Variants in ADAM32 observed in about 807,000 individuals in gnomAD.
The protein encoded by ADAM32 is ADAM metallopeptidase domain 32.
In ADAM32, 89 loss-of-function variants were observed where a neutral mutation model predicts 114.9. That is an observed-to-expected ratio of 0.77 (90% CI 0.65 to 0.92). The LOEUF is 0.92. ADAM32 is among the 40% of genes least tolerant of loss of function. The pLI, the probability that ADAM32 is intolerant of heterozygous loss-of-function variation, is 0.00. For synonymous variants in ADAM32, 285 were observed against 307.5 expected (o/e 0.93, Z 0.77); for missense variants, 870 against 932.8 (o/e 0.93, Z 0.88).
chr8:39,228,662 C>A (rs978044287), intron 14 of ADAM32, among the ~76,000 whole-genome samples: 7 of 152,108 alleles, frequency 4.6e-5, no homozygotes, highest in African/African-American at 1.7e-4. Context: ...ATGAACAAAG[C>A]CTCCAAGAAG....
intron 11 of ADAM32, among the ~76,000 whole-genome samples, chr8:39,199,486 ACT>A (rs1194291548): frequency 8.6e-5 from 13 of 151,330 alleles, no homozygotes; most frequent in Admixed American, 7.9e-4. Context: ...TACTATGGAA[ACT>A]CTCATTTGTA....
chr8:39,114,319 A>T lies in ADAM32; in HGVS notation c.59-3767A>T, dbSNP rs549773936. Among the ~76,000 whole-genome samples the T allele has an allele frequency of 2.0e-5, 3 of 152,316 alleles. No individual in the cohort carries two copies. The South Asian group carries it at 6.2e-4, about 32-fold the overall frequency. On this transcript the variant is annotated intron_variant, in intron 1 of 24. Coordinates refer to ENST00000379907, the MANE Select transcript of ADAM32 (RefSeq NM_145004.7). ...GTCTGCAGGGGAAGATTCGCAGCAC[A>T]TTCCTGTGGTTGCATGGCAAGGTCC...
intron 16 of ADAM32, among the ~76,000 whole-genome samples, chr8:39,237,214 A>G (rs1422965819): frequency 1.3e-5 from 2 of 152,124 alleles, no homozygotes; most frequent in African/African-American, 4.8e-5. Context: ...CCCAGTTCTC[A>G]GGGAAGCCCT....
At chr8:39,239,964 G>A (rs1006170224) in intron 16 of ADAM32, among the ~76,000 whole-genome samples, 2 of 152,012 alleles carry the variant, frequency 1.3e-5, no homozygotes, top group Non-Finnish European at 2.9e-5. Context: ...GAGATAGATG[G>A]CAACACAATA....
At chr8:39,284,648 C>T in intron 24 of ADAM32, 145 bp from the exon 25 acceptor site, 1 of 797,660 alleles carries the variant, frequency 1.3e-6, no homozygotes, top group Non-Finnish European at 2.0e-6. Flanking sequence ...AATAATTTCA[C>T]AGGCAAAATT....
chr8:39,226,944 T>A (rs1224953457), intron 14 of ADAM32, among the ~76,000 whole-genome samples: 1 of 152,206 alleles, frequency 6.6e-6, no homozygotes, highest in Non-Finnish European at 1.5e-5. Flanking sequence ...ATTATTACTA[T>A]AATAATTTGT....
intron 6 of ADAM32, among the ~76,000 whole-genome samples, chr8:39,156,665 C>A (rs1193230622): frequency 6.6e-6 from 1 of 152,084 alleles, no homozygotes; most frequent in Non-Finnish European, 1.5e-5. Flanking sequence ...AATTCTGGAG[C>A]CTGGAAGTTT....
chr8:39,257,056 A>T (rs1052278789), intron 18 of ADAM32, 131 bp from the exon 19 acceptor site: 1 of 988,742 alleles, frequency 1.0e-6, no homozygotes. Flanking sequence ...TTACAATTCT[A>T]TAATGATTTT....
At chr8:39,237,221 C>A (rs563983956) in intron 16 of ADAM32, among the ~76,000 whole-genome samples, 2 of 152,134 alleles carry the variant, frequency 1.3e-5, no homozygotes, top group African/African-American at 2.4e-5. Flanking sequence ...CTCAGGGAAG[C>A]CCTGGGAAGC....
intron 10 of ADAM32, among the ~76,000 whole-genome samples, chr8:39,178,808 G>T (rs1387373707): frequency 1.3e-5 from 2 of 152,040 alleles, no homozygotes; most frequent in African/African-American, 4.8e-5. Flanking sequence ...GTTTGCTGGG[G>T]GTTCACTCCA....
intron 15 of ADAM32, among the ~76,000 whole-genome samples, chr8:39,232,595 ATCATAC>A (rs1809818074): frequency 6.6e-6 from 1 of 152,180 alleles, no homozygotes; most frequent in South Asian, 2.1e-4. Context: ...TAGTTAGCAA[ATCATAC>A]TCATACACTC....
At chr8:39,260,132 A>C (rs1234252222) in intron 19 of ADAM32, among the ~76,000 whole-genome samples, 1 of 152,166 alleles carries the variant, frequency 6.6e-6, no homozygotes, top group African/African-American at 2.4e-5. Context: ...TATGCTGTAA[A>C]ATGATTATCA....
chr8:39,234,362 A>G (rs572554083), intron 16 of ADAM32, among the ~76,000 whole-genome samples: 10 of 138,982 alleles, frequency 7.2e-5, no homozygotes, highest in African/African-American at 1.9e-4. Context: ...TATTGTAGTT[A>G]AGAACCTCAT....
At chr8:39,283,917 G>T (rs904921911) in intron 24 of ADAM32, among the ~76,000 whole-genome samples, 3 of 152,066 alleles carry the variant, frequency 2.0e-5, no homozygotes, top group African/African-American at 7.2e-5. Flanking sequence ...GGGATTACAG[G>T]CGTGTGCCGC....
In ADAM32 at chr8:39,211,137, T is replaced by C. The variant is rs781092185; in HGVS notation, c.1053-7T>C. ...CTGCCAATGACATTATATGGATTCA[T>C]CTTTAGGCAATCCAATGGTGTGAAG... On this transcript the variant is annotated splice_region_variant and splice_polypyrimidine_tract_variant and intron_variant, in intron 11 of 24. Transcript: ENST00000379907. 1.7e-5 allele frequency: 27 copies of C among 1,552,892 alleles called. No homozygotes were observed. The highest frequency in any genetic ancestry group is 2.3e-5 in the Non-Finnish European group (26 of 1,153,440).
At chr8:39,227,006 G>T (rs1451198827) in intron 14 of ADAM32, among the ~76,000 whole-genome samples, 3 of 152,198 alleles carry the variant, frequency 2.0e-5, no homozygotes, top group Non-Finnish European at 2.9e-5. Context: ...CATCATGGCG[G>T]ATGGGAGGCA....
intron 10 of ADAM32, among the ~76,000 whole-genome samples, chr8:39,181,461 G>A (rs994487770): frequency 6.6e-6 from 1 of 152,188 alleles, no homozygotes; most frequent in African/African-American, 2.4e-5. Flanking sequence ...CTTAAGAGCT[G>A]TAACACTCAC....
intron 11 of ADAM32, among the ~76,000 whole-genome samples, chr8:39,201,623 T>A (rs1807418106): frequency 6.6e-6 from 1 of 152,204 alleles, no homozygotes; most frequent in Admixed American, 6.5e-5. Context: ...CTTTATTTCT[T>A]TCTCCTGCCT....
At chr8:39,239,825 A>T (rs898864017) in intron 16 of ADAM32, among the ~76,000 whole-genome samples, 3 of 152,232 alleles carry the variant, frequency 2.0e-5, no homozygotes, top group Non-Finnish European at 4.4e-5. Flanking sequence ...CTTAAAAAAG[A>T]CAAAGAGGGG....
Sources: gnomAD v4.1 joint callset for allele counts (sites outside exome capture counted in the v4.1 genomes callset) on GRCh38, gnomAD v4.1.1 for gene constraint, MANE v1.5 for transcripts, NCBI Gene and HGNC (gene_info 2026-07-23, HGNC 2026-07-21) for gene names.